PCLO: variants seen among roughly 807,000 people sequenced by gnomAD.
The protein encoded by PCLO is piccolo presynaptic cytomatrix protein.
A neutral mutation model predicts 427.5 loss-of-function variants in PCLO; 82 were observed. That is an observed-to-expected ratio of 0.19 (90% CI 0.16 to 0.23). The LOEUF (loss-of-function observed/expected upper bound fraction) is 0.23, where lower values mean the gene tolerates loss of function less well. Ranked by LOEUF, PCLO falls within the 10% of genes least tolerant of loss-of-function variation. PCLO has a pLI of 1.00. For missense variants in PCLO, 6,239 were observed against 6,115.9 expected (o/e 1.02, Z -0.67); for synonymous variants, 2,357 against 2,155.4 (o/e 1.09, Z -2.59).
At chr7:82,862,491 T>G (rs955573020) in intron 10 of PCLO, among the ~76,000 whole-genome samples, 2 of 149,104 alleles carry the variant, frequency 1.3e-5, no homozygotes, top group African/African-American at 2.5e-5. Flanking sequence ...TGAGGAGATA[T>G]CTGCACTCCT....
chr7:82,984,722 G>T (rs568457261), intron 3 of PCLO, among the ~76,000 whole-genome samples: 1 of 151,970 alleles, frequency 6.6e-6, no homozygotes, highest in South Asian at 2.1e-4. Flanking sequence ...CTTAATTTGG[G>T]TGTAATATAA....
At chr7:82,845,733 T>C (rs1792484876) in intron 12 of PCLO, among the ~76,000 whole-genome samples, 1 of 152,118 alleles carries the variant, frequency 6.6e-6, no homozygotes, top group South Asian at 2.1e-4. Flanking sequence ...TTCAGAAAAA[T>C]GTTTTTAATA....
rs774768809 is a variant in PCLO at position 82,951,813 on chromosome 7, T to C, written c.9097+43A>G. 5.1e-6 allele frequency: 8 copies of C among 1,567,134 alleles called. No individual in the cohort carries two copies. The Admixed American group carries it at 7.3e-5, about 14-fold the overall frequency. ...TCCTGAAATGAGATGAGGAACACCA[T>C]AATGATATTTCAAGGAAAGGTCTGC... On this transcript the variant is annotated intron_variant, in intron 5 of 24. Transcript: ENST00000333891.
chr7:82,844,182 T>G lies in PCLO; in HGVS notation c.14046+1089A>C, dbSNP rs1792440598. Among the ~76,000 whole-genome samples, 3 of 152,256 alleles carry G rather than the reference T, an allele frequency of 2.0e-5. No homozygotes were observed. The South Asian group carries it at 6.2e-4, about 32-fold the overall frequency. ...GAATTTAGTATTAATTATGTTGGTA[T>G]TTTAGTTGGCTAGTTTATGAATTAT... On this transcript the variant is annotated intron_variant, in intron 13 of 24. Transcript: ENST00000333891.
chr7:83,038,920 C>T (rs75809040), intron 3 of PCLO, among the ~76,000 whole-genome samples: 2,751 of 152,020 alleles, frequency 0.018, 83 homozygotes, highest in African/African-American at 0.062. Flanking sequence ...TTTATTCTAG[C>T]CATTCTAGTG....
intron 6 of PCLO, among the ~76,000 whole-genome samples, chr7:82,936,235 T>G (rs1794951730): frequency 6.6e-6 from 1 of 151,510 alleles, no homozygotes; most frequent in South Asian, 2.1e-4. Flanking sequence ...TTGACCACAA[T>G]AGAATGAAGG....
At chr7:82,829,876 A>C (rs1224117662) in intron 16 of PCLO, among the ~76,000 whole-genome samples, 1 of 152,120 alleles carries the variant, frequency 6.6e-6, no homozygotes, top group African/African-American at 2.4e-5. Context: ...TTTCAATGAA[A>C]TAGTAAGTGG....
chr7:82,879,596 A>G (rs1292454476), intron 9 of PCLO, 134 bp from the exon 10 acceptor site: 2 of 623,330 alleles, frequency 3.2e-6, no homozygotes, highest in Admixed American at 3.2e-5. Context: ...AATGAACACC[A>G]AAACCAAAGT....
At chr7:83,077,863 A>G (rs1376121028) in intron 3 of PCLO, among the ~76,000 whole-genome samples, 1 of 152,124 alleles carries the variant, frequency 6.6e-6, no homozygotes, top group Non-Finnish European at 1.5e-5. Flanking sequence ...GATTCATCAC[A>G]ATAAATGTTC....
intron 3 of PCLO, among the ~76,000 whole-genome samples, chr7:83,050,227 A>AAAAACAAAAAC (rs1789206780): frequency 1.2e-5 from 1 of 85,620 alleles, no homozygotes. Flanking sequence ...AAAAAAAAAA[A>AAAAACAAAAAC]AAAAAAAAAA....
At chr7:82,763,173 A>G (rs1790465403) in intron 22 of PCLO, among the ~76,000 whole-genome samples, 1 of 152,130 alleles carries the variant, frequency 6.6e-6, no homozygotes, top group South Asian at 2.1e-4. Context: ...GATACCCTTA[A>G]GTGAAACTGG....
intron 3 of PCLO, among the ~76,000 whole-genome samples, chr7:83,052,804 A>G (rs2116272511): frequency 6.6e-6 from 1 of 152,068 alleles, no homozygotes; most frequent in East Asian, 1.9e-4. Flanking sequence ...TCACAAAATC[A>G]TTTTAATCAT....
In PCLO at chr7:83,072,100, T is replaced by C. The variant is rs553439750; in HGVS notation, c.3300+62150A>G. 9.2e-5 allele frequency among the ~76,000 whole-genome samples: 14 copies of C among 152,168 alleles called. No homozygotes were observed. The South Asian group carries it at 2.9e-3, about 32-fold the overall frequency. On this transcript the variant is annotated intron_variant, in intron 3 of 24. Coordinates refer to ENST00000333891, the MANE Select transcript of PCLO (RefSeq NM_033026.6). ...TGAAGAAACATTTTCTAAAAAACAA[T>C]TATTTATCATTGCTCCCTAGATTCT...
chr7:82,892,397 C>T (rs1472276428), intron 9 of PCLO, among the ~76,000 whole-genome samples: 1 of 152,066 alleles, frequency 6.6e-6, no homozygotes, highest in Non-Finnish European at 1.5e-5. Flanking sequence ...AAACTGGATC[C>T]CTTCCTTACA....
chr7:82,830,306 T>C (rs1328480017), intron 16 of PCLO, among the ~76,000 whole-genome samples: 2 of 151,960 alleles, frequency 1.3e-5, no homozygotes, highest in Non-Finnish European at 2.9e-5. Flanking sequence ...TAGTAAGATA[T>C]GTTCCTTTAA....
chr7:83,160,763 C>G (rs1792415376), intron 1 of PCLO, among the ~76,000 whole-genome samples: 1 of 152,078 alleles, frequency 6.6e-6, no homozygotes, highest in African/African-American at 2.4e-5. Flanking sequence ...ATCTAGAAAT[C>G]AAAGATCTCA....
At chr7:83,131,533 C>T (rs1791573161) in intron 3 of PCLO, among the ~76,000 whole-genome samples, 1 of 152,130 alleles carries the variant, frequency 6.6e-6, no homozygotes, top group Admixed American at 6.5e-5. Context: ...GGAAAAATGT[C>T]CTGTCTCACA....
chr7:82,853,199 T>C (rs964040153), intron 10 of PCLO, among the ~76,000 whole-genome samples: 1 of 152,124 alleles, frequency 6.6e-6, no homozygotes. Flanking sequence ...ATTGCTATTA[T>C]TTTTATTTTT....
At chr7:83,010,835 A>G (rs1445367452) in intron 3 of PCLO, among the ~76,000 whole-genome samples, 2 of 151,962 alleles carry the variant, frequency 1.3e-5, no homozygotes, top group South Asian at 4.1e-4. Context: ...CTTTTTTCCA[A>G]TAAATCCTTC....
Sources: gnomAD v4.1 joint callset for allele counts (sites outside exome capture counted in the v4.1 genomes callset) on GRCh38, gnomAD v4.1.1 for gene constraint, MANE v1.5 for transcripts, NCBI Gene and HGNC (gene_info 2026-07-23, HGNC 2026-07-21) for gene names.